The following FAM227A variants were observed in gnomAD, a reference collection of about 807,000 sequenced individuals.
The protein encoded by FAM227A is protein FAM227A.
Under a neutral mutation model 74.7 loss-of-function variants are expected in FAM227A, and 80 were observed. The observed-to-expected ratio is 1.07, with a 90% confidence interval of 0.89 to 1.29. FAM227A has a LOEUF of 1.29. Ranked by LOEUF, FAM227A falls within the 50% of genes most tolerant of loss-of-function variation. The pLI, the probability that FAM227A is intolerant of heterozygous loss-of-function variation, is 0.00. For missense variants in FAM227A, 654 were observed against 683.4 expected, an observed-to-expected ratio of 0.96 and a Z score of 0.48; for synonymous variants, 237 against 241.8, an observed-to-expected ratio of 0.98 and a Z score of 0.19.
At chr22:38,615,149 CG>C (rs2091548567) in intron 11 of FAM227A, among the ~76,000 whole-genome samples, 1 of 152,140 alleles carries the variant, frequency 6.6e-6, no homozygotes, top group South Asian at 2.1e-4. Flanking sequence ...TCAGCCTCCC[CG>C]TAGCTGGGAT....
chr22:38,654,128 G>T (rs942934493), intron 1 of FAM227A, among the ~76,000 whole-genome samples: 1 of 151,144 alleles, frequency 6.6e-6, no homozygotes, highest in Non-Finnish European at 1.5e-5. Flanking sequence ...GCAGGCGGAT[G>T]ACGAGGTCAG....
chr22:38,588,314 C>A (rs1283145616), intron 16 of FAM227A, among the ~76,000 whole-genome samples: 5 of 152,052 alleles, frequency 3.3e-5, no homozygotes, highest in Non-Finnish European at 5.9e-5. Context: ...CACAGCAAGA[C>A]CCTGTCTCTA....
intron 6 of FAM227A, 113 bp from the exon 7 acceptor site, chr22:38,629,048 C>T (rs888667235): frequency 3.1e-6 from 2 of 642,070 alleles, no homozygotes; most frequent in African/African-American, 3.7e-5. Context: ...TAGTGAGGCC[C>T]TACCCAGGTA....
At chr22:38,642,818 C>G (rs749882790) in intron 3 of FAM227A, among the ~76,000 whole-genome samples, 14 of 151,810 alleles carry the variant, frequency 9.2e-5, no homozygotes, top group Non-Finnish European at 2.1e-4. Flanking sequence ...TGTCTGTAAT[C>G]CCAGCTATTA....
Position 38,636,565 on chromosome 22 carries a change from C to T in FAM227A, c.405G>A (p.Leu135=), listed in dbSNP as rs2092011165. 2 of 1,551,130 alleles carry T rather than the reference C, an allele frequency of 1.3e-6. No homozygotes were observed. The highest frequency in any genetic ancestry group is 2.0e-5 in the Admixed American group (1 of 50,794). The change falls in exon 6 of 17, where the codon CTG becomes CTA. Residue 135 remains leucine (L), a synonymous_variant. Transcript: ENST00000535113. ...AGCTGTTGAAGTTGGAATACTGGTA[C>T]AGCTCTGCCAGCAGATTTTTATCTG... ...KTADKNLLAE[L]YQYSNFNSSK...
At chr22:38,608,523 C>G (rs558206496) in intron 11 of FAM227A, among the ~76,000 whole-genome samples, 1 of 151,864 alleles carries the variant, frequency 6.6e-6, no homozygotes, top group South Asian at 2.1e-4. Flanking sequence ...CTTTGCCTCC[C>G]GGGTTCAAGC....
At chr22:38,593,470 A>C (rs1477573041) in intron 15 of FAM227A, among the ~76,000 whole-genome samples, 1 of 152,112 alleles carries the variant, frequency 6.6e-6, no homozygotes, top group East Asian at 1.9e-4. Context: ...GCGCCTCTGC[A>C]CTCCAGCCTG....
chr22:38,646,328 C>A (rs981275616), intron 2 of FAM227A, among the ~76,000 whole-genome samples: 17 of 127,608 alleles, frequency 1.3e-4, no homozygotes, highest in African/African-American at 5.1e-4. Flanking sequence ...GGCGGGATCT[C>A]GGCTCACTGC....
At position 38,586,236 on chromosome 22, in the gene FAM227A, T is replaced by C. The variant is rs1196612551; in HGVS notation, c.1639-37A>G. On this transcript the variant is annotated intron_variant, in intron 16 of 16. Coordinates refer to ENST00000535113, the MANE Select transcript of FAM227A (RefSeq NM_001013647.2). Reference sequence around the variant, plus strand: ...ACAAACGAACAAAAACAAAAATTAATTTAAAAAATGTAATTTCTTCAAAGA... The same window carrying C: ...ACAAACGAACAAAAACAAAAATTAACTTAAAAAATGTAATTTCTTCAAAGA... The C allele has an allele frequency of 2.6e-6, 4 of 1,546,108 alleles. No individual in the cohort carries two copies. In the Admixed American group the frequency reaches 6.0e-5, roughly 23 times the overall value.
intron 10 of FAM227A, among the ~76,000 whole-genome samples, chr22:38,622,439 A>C (rs2091710337): frequency 6.6e-6 from 1 of 152,218 alleles, no homozygotes; most frequent in South Asian, 2.1e-4. Context: ...TGCTGAGCAG[A>C]GTGCCTGGCA....
chr22:38,619,354 T>C (rs1454921006), intron 11 of FAM227A, among the ~76,000 whole-genome samples: 1 of 152,082 alleles, frequency 6.6e-6, no homozygotes, highest in Non-Finnish European at 1.5e-5. Context: ...GACAGAGTCT[T>C]GCCCTGTTAC....
At chr22:38,650,861 T>C (rs2092312377) in intron 1 of FAM227A, among the ~76,000 whole-genome samples, 1 of 152,196 alleles carries the variant, frequency 6.6e-6, no homozygotes, top group Non-Finnish European at 1.5e-5. Context: ...CTTCCATCTG[T>C]GGGCCCTCTA....
At chr22:38,642,451 G>T (rs2092137592) in intron 3 of FAM227A, among the ~76,000 whole-genome samples, 2 of 152,194 alleles carry the variant, frequency 1.3e-5, no homozygotes, top group Non-Finnish European at 2.9e-5. Flanking sequence ...ACACCTAGGT[G>T]ACCTTGGGTT....
intron 11 of FAM227A, among the ~76,000 whole-genome samples, chr22:38,615,905 C>T (rs1439561216): frequency 6.6e-6 from 1 of 152,124 alleles, no homozygotes; most frequent in Non-Finnish European, 1.5e-5. Flanking sequence ...AGGTGCTTTC[C>T]TCACCTGGAT....
intron 11 of FAM227A, among the ~76,000 whole-genome samples, chr22:38,613,094 AT>A (rs2091457020): frequency 1.1e-5 from 1 of 92,224 alleles, no homozygotes; most frequent in South Asian, 2.6e-4. Context: ...ATATATATAT[AT>A]TATATATAAT....
Position 38,605,311 on chromosome 22 carries a change from C to A in FAM227A, c.1164G>T (p.Thr388=). 6.4e-7 allele frequency: 1 copy of A among 1,551,080 alleles called. No individual in the cohort carries two copies. The highest frequency in any genetic ancestry group is 8.7e-7 in the Non-Finnish European group (1 of 1,146,112). Residue 388 remains threonine (T), a synonymous_variant, in exon 13 of 17, where the codon ACG becomes ACT. Coordinates refer to ENST00000535113, the MANE Select transcript of FAM227A (RefSeq NM_001013647.2). ...CTTCTGATATCCTCTTGACTTCTTG[C>A]GTAGGTTTCTTCAAGACCAGGGTCT... ...HCQTLVLKKP[T]QEVKRISEAR...
intron 10 of FAM227A, 127 bp downstream of exon 10, chr22:38,623,045 A>C: frequency 3.1e-6 from 2 of 645,704 alleles, no homozygotes; most frequent in Non-Finnish European, 5.5e-6. Flanking sequence ...TTTGGTGGCT[A>C]ATTTGGGGGT....
chr22:38,628,056 C>T (rs2091845345), intron 8 of FAM227A, among the ~76,000 whole-genome samples, 182 bp downstream of exon 8: 1 of 152,008 alleles, frequency 6.6e-6, no homozygotes, highest in African/African-American at 2.4e-5. Context: ...ATCATTGCAT[C>T]TCCCGATCAG....
chr22:38,592,892 A>G (rs188525109), intron 15 of FAM227A, among the ~76,000 whole-genome samples: 57 of 152,364 alleles, frequency 3.7e-4, no homozygotes, highest in Admixed American at 1.6e-3. Flanking sequence ...AATACTATCA[A>G]ATGACTGAAG....
Sources: gnomAD v4.1 joint callset for allele counts (sites outside exome capture counted in the v4.1 genomes callset) on GRCh38, gnomAD v4.1.1 for gene constraint, MANE v1.5 for transcripts, NCBI Gene and HGNC (gene_info 2026-07-23, HGNC 2026-07-21) for gene names.